KCNQ3: variants seen among roughly 807,000 people sequenced by gnomAD.
KCNQ3 encodes potassium voltage-gated channel subfamily KQT member 3.
Under a neutral mutation model 92.5 loss-of-function variants are expected in KCNQ3, and 30 were observed. The observed-to-expected ratio is 0.32, with a 90% CI of 0.24 to 0.44. The LOEUF (loss-of-function observed/expected upper bound fraction) is 0.44, where lower values mean the gene tolerates loss of function less well. Among genes scored for constraint, KCNQ3 ranks in the 20% least tolerant of loss-of-function variants. The pLI, the probability that KCNQ3 is intolerant of heterozygous loss-of-function variation, is 1.00. For synonymous variants in KCNQ3, 450 were observed against 468.8 expected (o/e 0.96, Z 0.52); for missense variants, 913 against 1,140.3 (o/e 0.80, Z 2.87).
At chr8:132,343,933 C>T (rs962813359) in intron 1 of KCNQ3, among the ~76,000 whole-genome samples, 1 of 146,580 alleles carries the variant, frequency 6.8e-6, no homozygotes, top group Non-Finnish European at 1.5e-5. Context: ...ACTCCTTTTT[C>T]CAATTTTAAG....
At chr8:132,186,502 G>A (rs542272927) in intron 1 of KCNQ3, 5 of 373,778 alleles carry the variant, frequency 1.3e-5, no homozygotes, top group African/African-American at 1.0e-4. Flanking sequence ...AAGTCCAAAA[G>A]TCAAGACAAC....
chr8:132,466,342 T>A (rs1822172261), intron 1 of KCNQ3, among the ~76,000 whole-genome samples: 1 of 151,834 alleles, frequency 6.6e-6, no homozygotes, highest in Non-Finnish European at 1.5e-5. Flanking sequence ...AGTATTTTCT[T>A]TACTTACGAA....
chr8:132,339,118 C>T (rs187909788), intron 1 of KCNQ3, among the ~76,000 whole-genome samples: 22 of 152,288 alleles, frequency 1.4e-4, no homozygotes, highest in South Asian at 6.2e-4. Context: ...TACCATTAAT[C>T]AGGCAGCTGT....
intron 1 of KCNQ3, among the ~76,000 whole-genome samples, chr8:132,324,323 T>A (rs958348338): frequency 2.6e-5 from 4 of 152,200 alleles, no homozygotes; most frequent in African/African-American, 9.7e-5. Flanking sequence ...ACTATAGAAT[T>A]ATTGAGACCA....
At position 132,124,938 on chromosome 8, in the gene KCNQ3, C is replaced by T. The variant is rs1321202011; in HGVS notation, c.*4324G>A. 6.6e-6 allele frequency: 1 copy of T among 151,940 alleles called. No homozygotes were observed. The highest frequency in any genetic ancestry group is 1.5e-5 in the Non-Finnish European group (1 of 68,026). 9.4% of individuals were successfully genotyped at this position (151,940 alleles called of 1,614,324 possible). On this transcript the variant is annotated 3_prime_UTR_variant, in exon 15 of 15. Transcript: ENST00000388996. Reference sequence around the variant, plus strand: ...ACTTCTTAGGCTGCTGAACAAATTTCTTCTCTTGCCCCAGGAGAATTTGAT... The same window carrying T: ...ACTTCTTAGGCTGCTGAACAAATTTTTTCTCTTGCCCCAGGAGAATTTGAT...
chr8:132,235,669 G>A (rs1023754436), intron 1 of KCNQ3, among the ~76,000 whole-genome samples: 4 of 152,088 alleles, frequency 2.6e-5, no homozygotes, highest in South Asian at 2.1e-4. Context: ...TCACTCAGTC[G>A]GTGCCAGTCA....
intron 1 of KCNQ3, among the ~76,000 whole-genome samples, chr8:132,422,665 C>G (rs1317268853): frequency 6.6e-6 from 1 of 152,226 alleles, no homozygotes; most frequent in African/African-American, 2.4e-5. Context: ...CTTCCGGCAG[C>G]TGTATCTCAG....
chr8:132,222,338 A>T (rs756567479), intron 1 of KCNQ3, among the ~76,000 whole-genome samples: 10 of 152,266 alleles, frequency 6.6e-5, no homozygotes, highest in Admixed American at 3.3e-4. Flanking sequence ...TCTGAAAACC[A>T]TTCAAGACAG....
intron 1 of KCNQ3, among the ~76,000 whole-genome samples, chr8:132,303,580 G>T (rs199674408): frequency 2.9e-4 from 5 of 17,214 alleles, no homozygotes; most frequent in Non-Finnish European, 3.1e-4. Context: ...ATATATATAT[G>T]GTGTGTGTGT....
intron 1 of KCNQ3, among the ~76,000 whole-genome samples, chr8:132,309,353 C>A (rs939531161): frequency 3.3e-5 from 5 of 152,172 alleles, no homozygotes; most frequent in African/African-American, 1.2e-4. Context: ...CATTATTCCA[C>A]AAATATTTAT....
At chr8:132,430,766 A>T (rs1382027665) in intron 1 of KCNQ3, among the ~76,000 whole-genome samples, 1 of 152,190 alleles carries the variant, frequency 6.6e-6, no homozygotes, top group East Asian at 1.9e-4. Context: ...AAACGGGAAG[A>T]TATTTCCATT....
intron 1 of KCNQ3, among the ~76,000 whole-genome samples, chr8:132,208,574 C>T (rs1024984497): frequency 4.6e-5 from 7 of 152,020 alleles, no homozygotes; most frequent in Non-Finnish European, 1.0e-4. Flanking sequence ...AAAGTAAGAA[C>T]AGGCTGCATA....
At chr8:132,403,976 T>C (rs2130787620) in intron 1 of KCNQ3, among the ~76,000 whole-genome samples, 1 of 152,304 alleles carries the variant, frequency 6.6e-6, no homozygotes, top group South Asian at 2.1e-4. Flanking sequence ...TCTCCAGGGC[T>C]CATCCTGAAT....
chr8:132,459,826 A>C (rs1329667197), intron 1 of KCNQ3, among the ~76,000 whole-genome samples: 2 of 151,826 alleles, frequency 1.3e-5, no homozygotes, highest in Non-Finnish European at 2.9e-5. Context: ...TGAGGGTAGA[A>C]TATCTACATA....
chr8:132,443,810 C>T (rs1187704390), intron 1 of KCNQ3, among the ~76,000 whole-genome samples: 1 of 152,080 alleles, frequency 6.6e-6, no homozygotes, highest in Non-Finnish European at 1.5e-5. Context: ...CGTTCCAGTA[C>T]CCACTATGAC....
intron 1 of KCNQ3, among the ~76,000 whole-genome samples, chr8:132,265,615 T>C (rs539103476): frequency 6.6e-6 from 1 of 152,310 alleles, no homozygotes; most frequent in South Asian, 2.1e-4. Context: ...TCAGAGAGGC[T>C]TATGTGTTAC....
intron 1 of KCNQ3, among the ~76,000 whole-genome samples, chr8:132,290,487 C>T (rs1200489963): frequency 1.3e-5 from 2 of 152,050 alleles, no homozygotes; most frequent in African/African-American, 2.4e-5. Flanking sequence ...TTGGTTGCAG[C>T]GTGGAGTTTC....
chr8:132,348,089 G>T (rs12681708), intron 1 of KCNQ3, among the ~76,000 whole-genome samples: 37,224 of 150,846 alleles, frequency 0.25, 5,164 homozygotes, highest in African/African-American at 0.38. Context: ...AGTCTCTATT[G>T]CATTTCCTAC....
At chr8:132,455,543 T>C (rs1276274823) in intron 1 of KCNQ3, among the ~76,000 whole-genome samples, 1 of 152,254 alleles carries the variant, frequency 6.6e-6, no homozygotes, top group African/African-American at 2.4e-5. Flanking sequence ...TATTCGTTTC[T>C]TCAGTTGGCA....
Sources: gnomAD v4.1 joint callset for allele counts (sites outside exome capture counted in the v4.1 genomes callset) on GRCh38, gnomAD v4.1.1 for gene constraint, MANE v1.5 for transcripts, NCBI Gene and HGNC (gene_info 2026-07-23, HGNC 2026-07-21) for gene names.